The following CFAP20DC variants were observed in gnomAD, a reference collection of about 807,000 sequenced individuals.
CFAP20DC encodes protein CFAP20DC.
A neutral mutation model predicts 101.7 loss-of-function variants in CFAP20DC; 84 were observed. That is an observed-to-expected ratio of 0.83 (90% CI 0.69 to 0.99). The LOEUF is 0.99. CFAP20DC is among the 50% of genes least tolerant of loss of function. CFAP20DC has a pLI of 0.00. For missense variants in CFAP20DC, 1,007 were observed against 970.3 expected, an observed-to-expected ratio of 1.04 and a Z score of -0.50; for synonymous variants, 359 against 351.2, an observed-to-expected ratio of 1.02 and a Z score of -0.25.
intron 14 of CFAP20DC, chr3:58,824,336 G>A (rs1319292164): frequency 6.6e-6 from 1 of 152,106 alleles, no homozygotes; most frequent in Admixed American, 6.6e-5. Context: ...ATGCAAAAAC[G>A]CTGATATGCT....
chr3:58,815,296 G>C (rs2075024128), intron 14 of CFAP20DC, among the ~76,000 whole-genome samples: 1 of 149,612 alleles, frequency 6.7e-6, no homozygotes, highest in African/African-American at 2.5e-5. Flanking sequence ...GGGAAAACTG[G>C]CTAGCCATAT....
At chr3:58,979,899 G>C (rs1317180085) in intron 4 of CFAP20DC, among the ~76,000 whole-genome samples, 1 of 151,618 alleles carries the variant, frequency 6.6e-6, no homozygotes, top group Non-Finnish European at 1.5e-5. Context: ...TCATATCCTG[G>C]ACAGCAAATA....
chr3:58,980,313 C>A (rs930224888), intron 4 of CFAP20DC, among the ~76,000 whole-genome samples: 1 of 152,148 alleles, frequency 6.6e-6, no homozygotes, highest in African/African-American at 2.4e-5. Context: ...TGAAACTATT[C>A]CAATCAACAG....
chr3:59,018,767 A>G (rs773335495), intron 4 of CFAP20DC: 1 of 152,160 alleles, frequency 6.6e-6, no homozygotes, highest in Non-Finnish European at 1.5e-5. Flanking sequence ...CAGTATGTCT[A>G]TATCATAGAT....
chr3:58,773,778 A>G lies in CFAP20DC; in HGVS notation c.2238-19915T>C, dbSNP rs145515015. Among the ~76,000 whole-genome samples, 583 of 152,314 alleles carry G rather than the reference A, an allele frequency of 3.8e-3. 4 individuals are homozygous for G. The highest frequency in any genetic ancestry group is 0.013 in the African/African-American group (548 of 41,578). ...TCAAGAGCCTGATTTATTAAAAATA[A>G]TGGTTCCTGGGCTGATATCTGCAAT... On this transcript the variant is annotated intron_variant, in intron 15 of 16. Coordinates refer to ENST00000482387, the MANE Select transcript of CFAP20DC (RefSeq NM_001394063.1).
At chr3:58,860,812 A>G (rs953348554) in intron 12 of CFAP20DC, among the ~76,000 whole-genome samples, 1 of 152,186 alleles carries the variant, frequency 6.6e-6, no homozygotes, top group Non-Finnish European at 1.5e-5. Context: ...AAAGCACTCT[A>G]TTTTAATAGC....
At chr3:58,762,353 T>C (rs573029168) in intron 15 of CFAP20DC, among the ~76,000 whole-genome samples, 14 of 152,330 alleles carry the variant, frequency 9.2e-5, no homozygotes, top group East Asian at 1.9e-4. Flanking sequence ...GGGATGAGGA[T>C]TGCAACCCCC....
At chr3:58,939,662 G>A (rs763023673) in intron 4 of CFAP20DC, among the ~76,000 whole-genome samples, 1 of 150,916 alleles carries the variant, frequency 6.6e-6, no homozygotes, top group Non-Finnish European at 1.5e-5. Flanking sequence ...GTTTCATGAT[G>A]TTAGTCAGGA....
At chr3:58,938,571 C>G (rs1409525762) in intron 4 of CFAP20DC, among the ~76,000 whole-genome samples, 1 of 152,178 alleles carries the variant, frequency 6.6e-6, no homozygotes, top group African/African-American at 2.4e-5. Context: ...TGTTTAGACA[C>G]ATTACACTGC....
intron 4 of CFAP20DC, among the ~76,000 whole-genome samples, chr3:58,995,970 T>TA (rs1317354361): frequency 1.8e-5 from 2 of 108,250 alleles, no homozygotes; most frequent in African/African-American, 7.3e-5. Context: ...CAATTCTGTA[T>TA]AATAAATCTA....
At chr3:58,731,583 C>T (rs544851073) in intron 3 of CFAP20DC, among the ~76,000 whole-genome samples, 13 of 152,238 alleles carry the variant, frequency 8.5e-5, no homozygotes, top group African/African-American at 3.1e-4. Context: ...CTGCATGCCA[C>T]GTCTAATGTT....
intron 13 of CFAP20DC, among the ~76,000 whole-genome samples, chr3:58,847,426 T>A (rs1453378549): frequency 6.6e-6 from 1 of 150,720 alleles, no homozygotes; most frequent in Non-Finnish European, 1.5e-5. Context: ...ATGCTCACCA[T>A]CACTGGCCAT....
At chr3:58,871,925 C>T (rs750716279) in intron 7 of CFAP20DC, among the ~76,000 whole-genome samples, 2 of 152,134 alleles carry the variant, frequency 1.3e-5, no homozygotes, top group African/African-American at 2.4e-5. Context: ...TCTATTCCCT[C>T]GCCTCCTGAC....
chr3:58,925,673 T>A (rs557962119), intron 5 of CFAP20DC, among the ~76,000 whole-genome samples: 12 of 152,338 alleles, frequency 7.9e-5, no homozygotes, highest in African/African-American at 2.9e-4. Context: ...TGTTTTTAAG[T>A]CATAGGCTAC....
intron 6 of CFAP20DC, among the ~76,000 whole-genome samples, chr3:58,895,867 G>T (rs1430566111): frequency 1.3e-5 from 2 of 152,168 alleles, no homozygotes; most frequent in Non-Finnish European, 2.9e-5. Flanking sequence ...ATGGCAGCAC[G>T]CAAAGAGAGT....
In CFAP20DC at chr3:58,799,184, C is replaced by T. The variant is rs1344786389; in HGVS notation, c.2237+7211G>A. Among the ~76,000 whole-genome samples the T allele has an allele frequency of 2.0e-5, 3 of 151,964 alleles. No homozygotes were observed. The highest frequency in any genetic ancestry group is 3.2e-3 in the Middle Eastern group (1 of 316). ...AGTACACCTTCTGCAGCAGTGGCAA[C>T]CCAACCAGATTTCTAGCAAGTGGTA... On this transcript the variant is annotated intron_variant, in intron 15 of 16. Coordinates refer to ENST00000482387, the MANE Select transcript of CFAP20DC (RefSeq NM_001394063.1). The surrounding 1 kb of genome is among the most constrained non-coding windows in gnomAD (Gnocchi z 4.9).
chr3:58,855,963 T>C (rs963891313), intron 12 of CFAP20DC, among the ~76,000 whole-genome samples: 2 of 149,442 alleles, frequency 1.3e-5, no homozygotes, highest in Non-Finnish European at 3.0e-5. Context: ...TGTGCACATG[T>C]ACCCTAAAAC....
intron 6 of CFAP20DC, among the ~76,000 whole-genome samples, chr3:58,909,989 G>A (rs2083984831): frequency 6.6e-6 from 1 of 152,074 alleles, no homozygotes; most frequent in South Asian, 2.1e-4. Context: ...GCAGTGTTTG[G>A]TTTTCTATTC....
intron 4 of CFAP20DC, among the ~76,000 whole-genome samples, chr3:58,951,745 C>T (rs989022487): frequency 4.0e-5 from 6 of 149,708 alleles, no homozygotes; most frequent in Non-Finnish European, 8.9e-5. Flanking sequence ...CATCACACAC[C>T]GGGGCCTGTT....
Sources: allele counts gnomAD v4.1 joint callset (sites outside exome capture counted in the v4.1 genomes callset), GRCh38; gene constraint gnomAD v4.1.1; non-coding constraint Gnocchi (gnomAD v3.1); transcripts MANE v1.5; gene names NCBI Gene and HGNC (gene_info 2026-07-23, HGNC 2026-07-21).